ELMO1: variants seen among roughly 807,000 people sequenced by gnomAD.
ELMO1 encodes the protein engulfment and cell motility protein 1.
Under a neutral mutation model 98.9 loss-of-function variants are expected in ELMO1, and 26 were observed. The observed-to-expected ratio is 0.26, with a 90% CI of 0.19 to 0.36. The LOEUF (loss-of-function observed/expected upper bound fraction) is 0.36. Ranked by LOEUF, ELMO1 falls within the 10% of genes least tolerant of loss-of-function variation. The pLI is 1.00. For synonymous variants in ELMO1, 346 were observed against 346.0 expected, an observed-to-expected ratio of 1.00 and a Z score of 0.00; for missense variants, 627 against 935.2, an observed-to-expected ratio of 0.67 and a Z score of 4.30.
chr7:37,271,958 C>A, intron 4 of ELMO1, 76 bp from the exon 5 acceptor site: 1 of 1,274,966 alleles, frequency 7.8e-7, no homozygotes, highest in Non-Finnish European at 1.1e-6. Flanking sequence ...CAAATATAAT[C>A]TAGCAGATAT....
At chr7:37,374,851 A>G (rs1802266294) in intron 1 of ELMO1, among the ~76,000 whole-genome samples, 1 of 152,170 alleles carries the variant, frequency 6.6e-6, no homozygotes, top group Non-Finnish European at 1.5e-5. Context: ...TCATGAGGTC[A>G]GGAATTCAAG....
rs546356271 is a variant in ELMO1, at chr7:37,123,584, C to T, written c.1191+9546G>A. ...CACATACACCCTCCCAAGACTAAAC[C>T]AGGAAGACGTTGAATCTCTGAATAG... On this transcript the variant is annotated intron_variant, in intron 14 of 21. Coordinates refer to ENST00000310758, the MANE Select transcript of ELMO1 (RefSeq NM_014800.11). 6.6e-5 allele frequency among the ~76,000 whole-genome samples: 10 copies of T among 152,190 alleles called. No individual in the cohort carries two copies. In the South Asian group the frequency reaches 8.3e-4, roughly 13 times the overall value.
At position 37,163,469 on chromosome 7, in the gene ELMO1, A is replaced by G. The variant is rs551146894; in HGVS notation, c.1087-30235T>C. Among the ~76,000 whole-genome samples, 20 of 152,066 alleles carry G rather than the reference A, an allele frequency of 1.3e-4. 1 individual carries two copies. In the South Asian group the frequency reaches 4.1e-3, roughly 32 times the overall value. The stretch of plus-strand genomic sequence containing the variant: ...TAACTCGTCATCTAGCATTAGGTAT[A>G]TCTCCCAATGCTATCCCTCCCCCAT... On this transcript the variant is annotated intron_variant, in intron 13 of 21. Coordinates refer to ENST00000310758, the MANE Select transcript of ELMO1 (RefSeq NM_014800.11).
At chr7:37,248,811 G>A (rs915488354) in intron 6 of ELMO1, among the ~76,000 whole-genome samples, 6 of 152,250 alleles carry the variant, frequency 3.9e-5, no homozygotes, top group South Asian at 2.1e-4. Context: ...GAACAGCCAA[G>A]ACTTCTAAGA....
intron 16 of ELMO1, among the ~76,000 whole-genome samples, chr7:36,966,312 C>T (rs748960012): frequency 1.3e-5 from 2 of 152,126 alleles, no homozygotes; most frequent in Admixed American, 6.5e-5. Context: ...GGGAATCAGA[C>T]CTGAATCTAT....
At chr7:37,283,948 A>C (rs765181918) in intron 4 of ELMO1, among the ~76,000 whole-genome samples, 2 of 152,152 alleles carry the variant, frequency 1.3e-5, no homozygotes, top group Non-Finnish European at 2.9e-5. Context: ...CTCTTCCTCA[A>C]ACTGGAGGCC....
At chr7:36,882,795 T>G (rs1202074843) in intron 18 of ELMO1, among the ~76,000 whole-genome samples, 1 of 152,232 alleles carries the variant, frequency 6.6e-6, no homozygotes, top group East Asian at 1.9e-4. Context: ...AGAACATATT[T>G]GTAGTTTCCT....
In ELMO1 at chr7:36,963,807, C is replaced by A. The variant is rs561943079; in HGVS notation, c.1437+49492G>T. On this transcript the variant is annotated intron_variant, in intron 16 of 21. Coordinates refer to ENST00000310758, the MANE Select transcript of ELMO1 (RefSeq NM_014800.11). Reference sequence around the variant, plus strand: ...CAACTTTGAAGGACATCTTAAATAACCTGCCCTTCTGCCCTGCCCCTGGGT... The same window carrying A: ...CAACTTTGAAGGACATCTTAAATAAACTGCCCTTCTGCCCTGCCCCTGGGT... Among the ~76,000 whole-genome samples the A allele has an allele frequency of 3.3e-5, 5 of 152,288 alleles. No individual in the cohort carries two copies. The East Asian group carries it at 9.7e-4, about 29-fold the overall frequency.
At position 37,367,736 on chromosome 7, in the gene ELMO1, G is replaced by GAAAC. The variant is rs372938037; in HGVS notation, c.-73-24977_-73-24974dup. Among the ~76,000 whole-genome samples, 479 of 152,052 alleles carry GAAAC rather than the reference G, an allele frequency of 3.2e-3. 5 individuals carry two copies. Among genetic ancestry groups the GAAAC allele is most frequent in the African/African-American group, 0.011 (441 of 41,468 alleles). ...ATCAGAATCCTCTAAGTCCCTACCA[G>GAAAC]AAACAAACAAACAAACAAACAAACA... On this transcript the variant is annotated intron_variant, in intron 1 of 21. Transcript: ENST00000310758.
chr7:37,039,061 T>C (rs905889278), intron 15 of ELMO1, among the ~76,000 whole-genome samples: 4 of 152,208 alleles, frequency 2.6e-5, no homozygotes, highest in African/African-American at 9.7e-5. Flanking sequence ...AACTCTGAGA[T>C]TCATGCTTTT....
chr7:36,955,796 A>G (rs1788394636), intron 16 of ELMO1, among the ~76,000 whole-genome samples: 1 of 152,174 alleles, frequency 6.6e-6, no homozygotes, highest in African/African-American at 2.4e-5. Context: ...GACACCCTCT[A>G]GCCCATTCCT....
chr7:36,908,743 G>T (rs1202312324), intron 16 of ELMO1, among the ~76,000 whole-genome samples: 3 of 152,092 alleles, frequency 2.0e-5, no homozygotes, highest in East Asian at 3.9e-4. Context: ...ATTAGAAAAC[G>T]TATGTTTAAA....
chr7:37,046,527 C>A (rs929362627), intron 15 of ELMO1, among the ~76,000 whole-genome samples: 1 of 152,086 alleles, frequency 6.6e-6, no homozygotes, highest in Non-Finnish European at 1.5e-5. Flanking sequence ...TTTCTTTAGA[C>A]CAGCAGTTTA....
intron 16 of ELMO1, among the ~76,000 whole-genome samples, chr7:36,968,639 T>C (rs1789651423): frequency 6.6e-6 from 1 of 152,196 alleles, no homozygotes; most frequent in Non-Finnish European, 1.5e-5. Context: ...TTTCTCTACA[T>C]TTTATTTGAT....
intron 13 of ELMO1, among the ~76,000 whole-genome samples, chr7:37,193,687 T>C (rs1791789143): frequency 6.6e-6 from 1 of 152,164 alleles, no homozygotes; most frequent in African/African-American, 2.4e-5. Flanking sequence ...ACTGCACCAA[T>C]GGCCTGCTAC....
At chr7:37,304,978 G>A (rs534196888) in intron 4 of ELMO1, among the ~76,000 whole-genome samples, 53 of 152,250 alleles carry the variant, frequency 3.5e-4, no homozygotes, top group Non-Finnish European at 4.7e-4. Flanking sequence ...ATGAAAAAGC[G>A]TGTGGGGGGT....
At chr7:37,027,106 C>A (rs1794623373) in intron 15 of ELMO1, among the ~76,000 whole-genome samples, 1 of 152,176 alleles carries the variant, frequency 6.6e-6, no homozygotes, top group African/African-American at 2.4e-5. Flanking sequence ...GCTTCACCCA[C>A]TGCCTTAAAA....
In ELMO1 at chr7:37,341,058, G is replaced by A. The variant is rs369810902; in HGVS notation, c.78+1555C>T. On this transcript the variant is annotated intron_variant, in intron 2 of 21. Coordinates refer to ENST00000310758, the MANE Select transcript of ELMO1 (RefSeq NM_014800.11). ...ATTGAACTACACACAGGGATACCCT[G>A]GAGATCTTGTTAAAATGCAGACTTG... 4.6e-5 allele frequency among the ~76,000 whole-genome samples: 7 copies of A among 152,340 alleles called. No individual in the cohort carries two copies. In the South Asian group the frequency reaches 8.3e-4, roughly 18 times the overall value.
chr7:37,358,616 C>T (rs1336051072), intron 1 of ELMO1, among the ~76,000 whole-genome samples: 1 of 152,142 alleles, frequency 6.6e-6, no homozygotes, highest in Non-Finnish European at 1.5e-5. Flanking sequence ...AACCAGATTC[C>T]ACTGGACACC....
Sources: gnomAD v4.1 joint callset for allele counts (sites outside exome capture counted in the v4.1 genomes callset) on GRCh38, gnomAD v4.1.1 for gene constraint, MANE v1.5 for transcripts, NCBI Gene and HGNC (gene_info 2026-07-23, HGNC 2026-07-21) for gene names.